Variants in PLD5 observed in about 807,000 individuals in gnomAD.
PLD5 encodes inactive phospholipase D5.
Under a neutral mutation model 61.1 loss-of-function variants are expected in PLD5, and 36 were observed. The observed-to-expected ratio is 0.59, with a 90% CI of 0.45 to 0.78. The LOEUF is 0.78. Among genes scored for constraint, PLD5 ranks in the 30% least tolerant of loss-of-function variants. The pLI, the probability that PLD5 is intolerant of heterozygous loss-of-function variation, is 0.00. For synonymous variants in PLD5, 243 were observed against 242.8 expected (o/e 1.00, Z -0.01); for missense variants, 515 against 644.4 (o/e 0.80, Z 2.17).
chr1:242,141,456 CA>C (rs1247766533), intron 5 of PLD5, among the ~76,000 whole-genome samples: 1 of 152,132 alleles, frequency 6.6e-6, no homozygotes, highest in Non-Finnish European at 1.5e-5. Context: ...TTTCTGACTC[CA>C]TTGAATACTT....
chr1:242,479,917 G>T (rs542968615), intron 1 of PLD5, among the ~76,000 whole-genome samples: 29 of 152,010 alleles, frequency 1.9e-4, no homozygotes, highest in African/African-American at 6.7e-4. Flanking sequence ...CAGGCATGTT[G>T]GTGTGCGCCT....
chr1:242,171,324 C>G (rs988707025), intron 5 of PLD5, among the ~76,000 whole-genome samples: 1 of 152,140 alleles, frequency 6.6e-6, no homozygotes, highest in African/African-American at 2.4e-5. Context: ...CCTTTACAGA[C>G]AAGCAAATGC....
intron 1 of PLD5, among the ~76,000 whole-genome samples, chr1:242,507,233 G>A (rs867599946): frequency 1.3e-5 from 2 of 152,162 alleles, no homozygotes; most frequent in Non-Finnish European, 2.9e-5. Flanking sequence ...GCAGGCCTTT[G>A]GCATTTGGGG....
chr1:242,328,666 G>C (rs1188976225), intron 2 of PLD5, among the ~76,000 whole-genome samples: 1 of 152,198 alleles, frequency 6.6e-6, no homozygotes, highest in Admixed American at 6.5e-5. Context: ...TCGAGAACAA[G>C]AGATGCTTGG....
intron 2 of PLD5, among the ~76,000 whole-genome samples, chr1:242,321,135 T>C: frequency 6.6e-6 from 1 of 152,170 alleles, no homozygotes; most frequent in East Asian, 1.9e-4. Context: ...GAAGTAACTC[T>C]GCAAAGCTGT....
chr1:242,148,719 A>T (rs1357012376), intron 5 of PLD5, among the ~76,000 whole-genome samples: 1 of 151,938 alleles, frequency 6.6e-6, no homozygotes, highest in Non-Finnish European at 1.5e-5. Flanking sequence ...AATATTTCAT[A>T]GTTTTGATAT....
intron 1 of PLD5, among the ~76,000 whole-genome samples, chr1:242,461,095 C>T (rs1370346116): frequency 2.0e-5 from 3 of 152,082 alleles, no homozygotes; most frequent in Non-Finnish European, 2.9e-5. Context: ...GAGCCAAGAT[C>T]GCGCCAGTGC....
At chr1:242,445,768 T>G (rs1389284118) in intron 1 of PLD5, among the ~76,000 whole-genome samples, 1 of 151,568 alleles carries the variant, frequency 6.6e-6, no homozygotes, top group South Asian at 2.1e-4. Flanking sequence ...CTTCTTTTTT[T>G]TTTTTTTTTC....
chr1:242,444,749 CTA>C (rs566895201), intron 1 of PLD5, among the ~76,000 whole-genome samples: 1 of 3,058 alleles, frequency 3.3e-4, no homozygotes, highest in African/African-American at 8.4e-4. Flanking sequence ...ATAAAGTAGG[CTA>C]TATATATAAT....
chr1:242,107,512 C>T (rs1040927573), intron 8 of PLD5, among the ~76,000 whole-genome samples, 159 bp downstream of exon 8: 43 of 151,720 alleles, frequency 2.8e-4, no homozygotes, highest in African/African-American at 8.5e-4. Flanking sequence ...CTCTTTTTTT[C>T]GTATGTGATT....
intron 1 of PLD5, among the ~76,000 whole-genome samples, chr1:242,517,821 T>C (rs1034672983): frequency 6.6e-6 from 1 of 152,208 alleles, no homozygotes; most frequent in Non-Finnish European, 1.5e-5. Context: ...ACCTCACAGC[T>C]TCCTAACACA....
chr1:242,504,380 C>T (rs1331244494), intron 1 of PLD5, among the ~76,000 whole-genome samples: 2 of 152,134 alleles, frequency 1.3e-5, no homozygotes, highest in African/African-American at 4.8e-5. Context: ...CATTCAAGGC[C>T]CCATTAGACT....
intron 9 of PLD5, among the ~76,000 whole-genome samples, chr1:242,091,090 C>G (rs1229998285): frequency 6.6e-6 from 1 of 151,984 alleles, no homozygotes; most frequent in Non-Finnish European, 1.5e-5. Context: ...ATTGTCTTCC[C>G]TCTATGCATG....
intron 4 of PLD5, among the ~76,000 whole-genome samples, chr1:242,246,478 A>AACAC (rs34723926): frequency 0.19 from 26,799 of 141,030 alleles, 2,547 homozygotes; most frequent in South Asian, 0.22. Context: ...TAGAAAAGAC[A>AACAC]ACACACACAC....
intron 5 of PLD5, among the ~76,000 whole-genome samples, chr1:242,176,335 A>G (rs1188588721): frequency 6.6e-6 from 1 of 152,206 alleles, no homozygotes; most frequent in Non-Finnish European, 1.5e-5. Flanking sequence ...AGCAATGGGG[A>G]AAGGATTCCC....
chr1:242,470,538 T>A (rs1174206142), intron 1 of PLD5, among the ~76,000 whole-genome samples: 1 of 152,118 alleles, frequency 6.6e-6, no homozygotes, highest in Non-Finnish European at 1.5e-5. Flanking sequence ...AAACCAACCA[T>A]GCAATGTTAC....
At chr1:242,383,849 A>G (rs898210063) in intron 1 of PLD5, among the ~76,000 whole-genome samples, 1 of 152,166 alleles carries the variant, frequency 6.6e-6, no homozygotes, top group Admixed American at 6.5e-5. Flanking sequence ...CATTTTCCTG[A>G]GGTTTCTTCC....
chr1:242,377,445 C>A, intron 1 of PLD5: 2 of 762,090 alleles, frequency 2.6e-6, no homozygotes, highest in South Asian at 3.4e-5. Context: ...TTCCTCCTCA[C>A]TGGTGGCATC....
chr1:242,406,260 C>T (rs1327364219), intron 1 of PLD5, among the ~76,000 whole-genome samples: 6 of 152,088 alleles, frequency 3.9e-5, no homozygotes, highest in Non-Finnish European at 7.3e-5. Flanking sequence ...AGAGCCTGGC[C>T]GCTGGAGGCT....
Sources: allele counts gnomAD v4.1 joint callset (sites outside exome capture counted in the v4.1 genomes callset), GRCh38; gene constraint gnomAD v4.1.1; transcripts MANE v1.5; gene names NCBI Gene and HGNC (gene_info 2026-07-23, HGNC 2026-07-21).